Variants in CRTC3 observed in about 807,000 individuals in gnomAD.
CRTC3 encodes the protein CREB regulated transcription coactivator 3.
A neutral mutation model predicts 74.5 loss-of-function variants in CRTC3; 26 were observed. That is an observed-to-expected ratio of 0.35 (90% CI 0.26 to 0.48). The LOEUF (loss-of-function observed/expected upper bound fraction) is 0.48. Among genes scored for constraint, CRTC3 ranks in the 20% least tolerant of loss-of-function variants. CRTC3 has a pLI of 0.99. For synonymous variants in CRTC3, 377 were observed against 325.8 expected (o/e 1.16, Z -1.69); for missense variants, 760 against 787.3 (o/e 0.97, Z 0.41).
intron 2 of CRTC3, among the ~76,000 whole-genome samples, chr15:90,582,608 G>T (rs1967569035): frequency 6.6e-6 from 1 of 152,046 alleles, no homozygotes. Flanking sequence ...TTTAAATTAT[G>T]TACATATAAC....
At chr15:90,632,923 T>C (rs571250213) in intron 11 of CRTC3, among the ~76,000 whole-genome samples, 1 of 152,262 alleles carries the variant, frequency 6.6e-6, no homozygotes, top group Admixed American at 6.5e-5. Flanking sequence ...TGTTTTATGC[T>C]TTTTTTGTTC....
chr15:90,622,504 T>C (rs1220525330), intron 9 of CRTC3, among the ~76,000 whole-genome samples: 1 of 152,182 alleles, frequency 6.6e-6, no homozygotes. Flanking sequence ...AATTTTATTT[T>C]TCTAGTCCTT....
chr15:90,547,365 TGGA>T (rs1966846115), intron 2 of CRTC3, among the ~76,000 whole-genome samples: 2 of 152,224 alleles, frequency 1.3e-5, no homozygotes, highest in Non-Finnish European at 2.9e-5. Context: ...TAAATCACTT[TGGA>T]GTTTACAAAA....
intron 5 of CRTC3, among the ~76,000 whole-genome samples, chr15:90,606,368 C>G (rs4609825): frequency 0.23 from 35,252 of 151,886 alleles, 4,319 homozygotes; most frequent in African/African-American, 0.3. Context: ...TCGAGACCAG[C>G]CTGGCCAACA....
intron 11 of CRTC3, among the ~76,000 whole-genome samples, chr15:90,635,450 G>T (rs1217364646): frequency 6.6e-6 from 1 of 152,102 alleles, no homozygotes; most frequent in Non-Finnish European, 1.5e-5. Context: ...TTCGAGACCA[G>T]CCTGGCCAAC....
At chr15:90,641,057 A>G in intron 13 of CRTC3, 40 bp from the exon 14 acceptor site, 1 of 1,326,402 alleles carries the variant, frequency 7.5e-7, no homozygotes, top group Non-Finnish European at 1.1e-6. Flanking sequence ...CCTTGGAAAC[A>G]GAGGTGTGGC....
chr15:90,638,171 C>G (rs1230444860), intron 11 of CRTC3: 3 of 367,220 alleles, frequency 8.2e-6, no homozygotes, highest in Non-Finnish European at 1.4e-5. Flanking sequence ...ATGATTTTCA[C>G]GGAGAAAACT....
chr15:90,572,760 G>A (rs1967304799), intron 2 of CRTC3, among the ~76,000 whole-genome samples: 1 of 152,052 alleles, frequency 6.6e-6, no homozygotes, highest in South Asian at 2.1e-4. Context: ...ATTTTTAGTA[G>A]AGACGGGGTT....
chr15:90,561,410 A>T (rs1475152105), intron 2 of CRTC3, among the ~76,000 whole-genome samples: 4 of 152,308 alleles, frequency 2.6e-5, no homozygotes, highest in African/African-American at 9.6e-5. Context: ...CACAGACTAG[A>T]TAAAAATACT....
chr15:90,543,898 C>CA (rs1818605040), intron 2 of CRTC3, among the ~76,000 whole-genome samples: 1 of 152,124 alleles, frequency 6.6e-6, no homozygotes, highest in African/African-American at 2.4e-5. Flanking sequence ...TGGAAACCAC[C>CA]ATCTGTAGTT....
chr15:90,616,829 C>T (rs527539369), intron 7 of CRTC3, among the ~76,000 whole-genome samples: 31 of 152,344 alleles, frequency 2.0e-4, no homozygotes, highest in Non-Finnish European at 3.1e-4. Context: ...AGCCAACAGC[C>T]GTCCCGGCAG....
At chr15:90,582,543 G>C (rs1220368979) in intron 2 of CRTC3, among the ~76,000 whole-genome samples, 7 of 152,196 alleles carry the variant, frequency 4.6e-5, no homozygotes, top group Non-Finnish European at 1.0e-4. Context: ...TTTTGATTAT[G>C]CAGCCTAGTA....
At chr15:90,563,156 A>T (rs1303457090) in intron 2 of CRTC3, among the ~76,000 whole-genome samples, 1 of 152,176 alleles carries the variant, frequency 6.6e-6, no homozygotes, top group Non-Finnish European at 1.5e-5. Flanking sequence ...TTGTGATCCC[A>T]GCACTTTGGG....
Position 90,625,708 on chromosome 15 carries a change from C to T in CRTC3, c.750-68C>T. On this transcript the variant is annotated intron_variant, in intron 9 of 14. Transcript: ENST00000268184. ...CTCTTATTTGACAAGGAAAAGGTTT[C>T]AGCCATGTTTGGTTTCCCAACAGCC... 3.6e-6 allele frequency: 5 copies of T among 1,383,048 alleles called. No individual in the cohort carries two copies. In the Middle Eastern group the frequency reaches 5.6e-4, roughly 155 times the overall value. 85.7% of individuals were successfully genotyped at this position (1,383,048 alleles called of 1,614,324 possible). A position where few individuals can be genotyped will look rare whatever the true frequency, so the allele number is the denominator to read the frequency against.
intron 7 of CRTC3, among the ~76,000 whole-genome samples, chr15:90,616,630 A>C (rs1968500815): frequency 6.6e-6 from 1 of 152,090 alleles, no homozygotes; most frequent in African/African-American, 2.4e-5. Context: ...CTAACTTGGA[A>C]TCCCCTTCCT....
intron 4 of CRTC3, among the ~76,000 whole-genome samples, chr15:90,603,374 C>T (rs190276656): frequency 1.3e-3 from 196 of 151,410 alleles, no homozygotes; most frequent in African/African-American, 4.3e-3. Flanking sequence ...ACCCAGGAGG[C>T]GGAGCTTGCA....
intron 2 of CRTC3, among the ~76,000 whole-genome samples, chr15:90,540,576 C>A (rs1966786838): frequency 6.6e-6 from 1 of 152,006 alleles, no homozygotes; most frequent in Admixed American, 6.6e-5. Flanking sequence ...AGTTCGAGAC[C>A]AGCCCGGTCA....
At chr15:90,536,819 A>G (rs528267345) in intron 1 of CRTC3, among the ~76,000 whole-genome samples, 3 of 152,240 alleles carry the variant, frequency 2.0e-5, no homozygotes, top group Admixed American at 6.5e-5. Flanking sequence ...AATAGGGTAC[A>G]GTGAGGACTT....
intron 2 of CRTC3, among the ~76,000 whole-genome samples, chr15:90,572,370 G>A (rs1967291036): frequency 6.6e-6 from 1 of 152,070 alleles, no homozygotes; most frequent in Admixed American, 6.6e-5. Flanking sequence ...GAACATTCTT[G>A]TTATGATATC....
Sources: gnomAD v4.1 joint callset for allele counts (sites outside exome capture counted in the v4.1 genomes callset) on GRCh38, gnomAD v4.1.1 for gene constraint, MANE v1.5 for transcripts, NCBI Gene and HGNC (gene_info 2026-07-23, HGNC 2026-07-21) for gene names.